The following NOL9 variants were observed in gnomAD, a reference collection of about 807,000 sequenced individuals.
The protein encoded by NOL9 is nucleolar protein 9.
In NOL9, 28 loss-of-function variants were observed where a neutral mutation model predicts 67.9. The ratio of observed to expected loss-of-function variants is 0.41; its 90% CI spans 0.31 to 0.57. The LOEUF is 0.57. NOL9 is among the 20% of genes least tolerant of loss of function. The probability of loss-of-function intolerance (pLI) is 0.25; values close to 1 mark genes in which losing one functional copy is unlikely to be tolerated. For missense variants in NOL9, 777 were observed against 897.0 expected (o/e 0.87, Z 1.71); for synonymous variants, 356 against 352.2 (o/e 1.01, Z -0.12).
chr1:6,544,613 T>G (rs1283624298), intron 5 of NOL9, among the ~76,000 whole-genome samples: 1 of 129,642 alleles, frequency 7.7e-6, no homozygotes, highest in Non-Finnish European at 1.5e-5. Context: ...CTCTTGGAAG[T>G]CTGCCTGCAG....
chr1:6,539,545 T>C (rs532671637), intron 6 of NOL9, among the ~76,000 whole-genome samples: 101 of 152,332 alleles, frequency 6.6e-4, no homozygotes, highest in Middle Eastern at 3.4e-3. Context: ...AGTGTAATGG[T>C]GCAATTTCAG....
At chr1:6,544,521 A>ACGCACG (rs1221074517) in intron 5 of NOL9, among the ~76,000 whole-genome samples, 6 of 35,904 alleles carry the variant, frequency 1.7e-4, no homozygotes, top group Middle Eastern at 0.013. Context: ...AAACACACAC[A>ACGCACG]CACACACGCA....
chr1:6,541,844 G>A lies in NOL9; in HGVS notation c.1061C>T (p.Thr354Ile), dbSNP rs557485417. 11 of 1,599,606 alleles carry A rather than the reference G, an allele frequency of 6.9e-6. No homozygotes were observed. In the South Asian group the frequency reaches 1.1e-4, roughly 16 times the overall value. Residue 354 changes from threonine to isoleucine, a missense_variant, in exon 6 of 12, where the codon ACA becomes ATA. Thr to Ile is a moderately conservative substitution (Grantham distance 89, BLOSUM62 -1). This residue lies in a region of NOL9 where 413 missense variants were observed against 552.6 expected (regional missense o/e 0.75). Coordinates refer to ENST00000377705, the MANE Select transcript of NOL9 (RefSeq NM_024654.5). ...GTAATACATACCCAGAACTGGTTCT[G>A]TAATATTAAGCAAAGAAATGCAACC... is the stretch of plus-strand genomic sequence containing the variant. ...PPGCISLLNI[T>I]EPVLGPPFTH...
At chr1:6,537,850 C>T (rs1303595991) in intron 6 of NOL9, among the ~76,000 whole-genome samples, 2 of 151,548 alleles carry the variant, frequency 1.3e-5, no homozygotes, top group East Asian at 1.9e-4. Context: ...GGGCTGGGTG[C>T]GGTGGCTCAC....
At chr1:6,551,351 G>C (rs548332882) in intron 1 of NOL9, among the ~76,000 whole-genome samples, 2 of 151,962 alleles carry the variant, frequency 1.3e-5, no homozygotes, top group African/African-American at 4.8e-5. Context: ...AGAAGGAGGT[G>C]GGGGGATCAC....
intron 6 of NOL9, among the ~76,000 whole-genome samples, chr1:6,540,119 T>TC (rs1277266556): frequency 6.1e-4 from 28 of 45,540 alleles, no homozygotes; most frequent in Non-Finnish European, 6.9e-4. Flanking sequence ...CCAAGGAGAG[T>TC]TATTCTTTTT....
At chr1:6,544,082 T>A (rs10779789) in intron 5 of NOL9, among the ~76,000 whole-genome samples, 3 of 152,110 alleles carry the variant, frequency 2.0e-5, no homozygotes, top group Admixed American at 2.0e-4. Context: ...GCAGAGAACA[T>A]GCCATTGCAC....
chr1:6,539,507 G>A (rs1469450902), intron 6 of NOL9, among the ~76,000 whole-genome samples: 2 of 151,898 alleles, frequency 1.3e-5, no homozygotes, highest in African/African-American at 4.8e-5. Flanking sequence ...TATTGAGGCA[G>A]AATCTCACTG....
chr1:6,549,751 C>T (rs1435442146), intron 2 of NOL9, 53 bp from the exon 3 acceptor site: 6 of 1,604,700 alleles, frequency 3.7e-6, no homozygotes, highest in East Asian at 2.2e-5. Context: ...TTACATTCCA[C>T]GCCCTTTAGG....
chr1:6,549,722 C>T (rs2148662258), intron 2 of NOL9, 24 bp from the exon 3 acceptor site: 4 of 1,607,516 alleles, frequency 2.5e-6, no homozygotes, highest in Non-Finnish European at 3.4e-6. Flanking sequence ...AATAAACCAC[C>T]TTAGAAGCAG....
chr1:6,549,446 A>G (rs1639492676), intron 3 of NOL9, 125 bp downstream of exon 3: 1 of 1,050,900 alleles, frequency 9.5e-7, no homozygotes, highest in African/African-American at 1.6e-5. Context: ...CACGTATTAC[A>G]TTCTGTAGGA....
intron 6 of NOL9, among the ~76,000 whole-genome samples, chr1:6,540,415 C>T (rs1273302699): frequency 6.6e-6 from 1 of 152,124 alleles, no homozygotes. Context: ...AGCCACCAAG[C>T]CCAGCCGAGA....
intron 1 of NOL9, 44 bp downstream of exon 1, chr1:6,554,063 G>A: frequency 6.8e-7 from 1 of 1,471,780 alleles, no homozygotes; most frequent in South Asian, 1.3e-5. Context: ...TGCCTCTCCA[G>A]CCCTCCCTGC....
At chr1:6,530,386 G>A (rs1315743995) in intron 9 of NOL9, among the ~76,000 whole-genome samples, 2 of 152,182 alleles carry the variant, frequency 1.3e-5, no homozygotes, top group Non-Finnish European at 2.9e-5. Context: ...CCCGGGAGGC[G>A]GAGGTTGCAG....
intron 3 of NOL9, among the ~76,000 whole-genome samples, chr1:6,547,582 C>T (rs1465845005): frequency 1.3e-5 from 2 of 151,950 alleles, no homozygotes; most frequent in Non-Finnish European, 2.9e-5. Flanking sequence ...GAGGTGAGGC[C>T]AGACACGGTG....
In NOL9 at chr1:6,532,071, T is replaced by C. The variant is rs1168033271; in HGVS notation, c.1544A>G (p.His515Arg). 1.9e-6 allele frequency: 3 copies of C among 1,613,600 alleles called. No homozygotes were observed. The highest frequency in any genetic ancestry group is 2.5e-6 in the Non-Finnish European group (3 of 1,179,584). ...GGACAGATCTCGAAGAATTTTGTTATGTGACTCTCTGAAAGGCAAATCACA... is the reference window on the plus strand; with the variant it reads ...GGACAGATCTCGAAGAATTTTGTTACGTGACTCTCTGAAAGGCAAATCACA... ...FRITPRNRES[H>R]NKILRDLSIL... The change falls in exon 9 of 12, where the codon CAT (histidine) becomes CGT (arginine). Residue 515 changes from histidine (H) to arginine (R), a missense_variant. His to Arg is a conservative substitution (Grantham distance 29). Transcript: ENST00000377705.
At chr1:6,532,359 G>A in intron 8 of NOL9, 104 bp downstream of exon 8, 1 of 1,061,456 alleles carries the variant, frequency 9.4e-7, no homozygotes, top group East Asian at 2.4e-5. Flanking sequence ...CTGTGACAGG[G>A]ACCTGAAGAT....
At chr1:6,543,710 T>G (rs2148659229) in intron 5 of NOL9, among the ~76,000 whole-genome samples, 1 of 152,282 alleles carries the variant, frequency 6.6e-6, no homozygotes, top group Non-Finnish European at 1.5e-5. Context: ...GCATGGTGGC[T>G]TATATCTGTA....
chr1:6,550,458 T>C lies in NOL9; in HGVS notation c.554A>G (p.Glu185Gly). The change falls in exon 2 of 12, where the codon GAG becomes GGG. Residue 185 changes from glutamate (E) to glycine (G), a missense_variant. Physicochemically the swap from Glu to Gly is moderately conservative, Grantham distance 98. Coordinates refer to ENST00000377705, the MANE Select transcript of NOL9 (RefSeq NM_024654.5). ...CCTTTTCAGTTCCTTCTTGCTTTTC[T>C]CAGGCTGTGAGTAGTGAAGTGCATG... ...SIHALHYSQP[E>G]KSKKELKREA... 9 of 1,614,170 alleles carry C rather than the reference T, an allele frequency of 5.6e-6. No individual in the cohort carries two copies. Among genetic ancestry groups the C allele is most frequent in the Non-Finnish European group, 7.6e-6 (9 of 1,180,024 alleles).
Sources: gnomAD v4.1 joint callset for allele counts (sites outside exome capture counted in the v4.1 genomes callset) on GRCh38, gnomAD v4.1.1 for gene constraint, gnomAD v4.1.1 regional missense constraint, MANE v1.5 for transcripts, NCBI Gene and HGNC (gene_info 2026-07-23, HGNC 2026-07-21) for gene names.